MMAA: variants seen among roughly 807,000 people sequenced by gnomAD.
MMAA encodes the protein metabolism of cobalamin associated A.
A neutral mutation model predicts 45.0 loss-of-function variants in MMAA; 41 were observed. That is an observed-to-expected ratio of 0.91 (90% CI 0.71 to 1.18). The LOEUF (loss-of-function observed/expected upper bound fraction) is 1.18, where lower values mean the gene tolerates loss of function less well. Ranked by LOEUF, MMAA falls within the 50% of genes most tolerant of loss-of-function variation. The pLI, the probability that MMAA is intolerant of heterozygous loss-of-function variation, is 0.00. For synonymous variants in MMAA, 154 were observed against 178.2 expected, an observed-to-expected ratio of 0.86 and a Z score of 1.08; for missense variants, 460 against 495.7, an observed-to-expected ratio of 0.93 and a Z score of 0.68.
chr4:145,630,797 A>G (rs1369043316), intron 1 of MMAA, among the ~76,000 whole-genome samples: 2 of 152,114 alleles, frequency 1.3e-5, no homozygotes, highest in African/African-American at 4.8e-5. Context: ...ATAGCTATAA[A>G]CTTCCCTCTT....
chr4:145,640,885 ACAACTTGT>A (rs1200558601), intron 2 of MMAA, among the ~76,000 whole-genome samples: 1 of 152,022 alleles, frequency 6.6e-6, no homozygotes, highest in African/African-American at 2.4e-5. Flanking sequence ...CGTGCTAAAA[ACAACTTGT>A]CTTGGTGGTT....
chr4:145,624,719 T>C, intron 1 of MMAA: 1 of 1,569,666 alleles, frequency 6.4e-7, no homozygotes, highest in Non-Finnish European at 8.7e-7. Context: ...CCTTTCCTTC[T>C]TTGTTCAGAA....
intron 1 of MMAA, chr4:145,625,454 C>T: frequency 1.4e-6 from 1 of 711,706 alleles, no homozygotes. Context: ...AGCTGCAATA[C>T]TGGATGCTGA....
chr4:145,637,382 A>G (rs1727641826), intron 1 of MMAA, among the ~76,000 whole-genome samples: 1 of 152,218 alleles, frequency 6.6e-6, no homozygotes, highest in Admixed American at 6.5e-5. Context: ...AAACACTTTT[A>G]TACATTTTTA....
chr4:145,656,255 T>C lies in MMAA; in HGVS notation c.*821T>C, dbSNP rs1349263713. 1 of 152,164 alleles carries C rather than the reference T, an allele frequency of 6.6e-6. No homozygotes were observed. The highest frequency in any genetic ancestry group is 1.9e-4 in the East Asian group (1 of 5,202). The allele number at this position is 152,164 out of a possible 1,614,324, so 9.4% of individuals were successfully genotyped here. A position where few individuals can be genotyped will look rare whatever the true frequency, so the allele number is the denominator to read the frequency against. On this transcript the variant is annotated 3_prime_UTR_variant, in exon 7 of 7. Coordinates refer to ENST00000649156, the MANE Select transcript of MMAA (RefSeq NM_172250.3). ...ACTTCATTTTAGTATTTTAAAAATC[T>C]TTTTTCTTGATGGTGAACAAGTTTT...
chr4:145,642,407 T>G lies in MMAA; in HGVS notation c.484T>G (p.Tyr162Asp). 1 of 1,614,184 alleles carries G rather than the reference T, an allele frequency of 6.2e-7. No homozygotes were observed. Among genetic ancestry groups the G allele is most frequent in the Non-Finnish European group, 8.5e-7 (1 of 1,180,008 alleles). The change falls in exon 3 of 7, where the codon TAT becomes GAT. Residue 162 changes from tyrosine to aspartate, a missense_variant. Physicochemically the swap from Tyr to Asp is radical, Grantham distance 160. Transcript: ENST00000649156. The stretch of plus-strand genomic sequence containing the variant: ...TGCTGGAAAATCAACATTTATAGAA[T>G]ATTTTGGAAAAATGCTTACTGAGAG... ...PGAGKSTFIEYFGKMLTERGH... is the reference protein window; with the variant it reads ...PGAGKSTFIEDFGKMLTERGH...
chr4:145,632,324 A>G lies in MMAA; in HGVS notation c.-65-6751A>G, dbSNP rs1270489183. On this transcript the variant is annotated intron_variant, in intron 1 of 6. Transcript: ENST00000649156. The stretch of plus-strand genomic sequence containing the variant: ...TTCAGCACTTTAAGTAGGTTATGCC[A>G]TTCTCTCCTAGCCTATAAAGTTTCC... 2.6e-5 allele frequency among the ~76,000 whole-genome samples: 4 copies of G among 152,060 alleles called. No individual in the cohort carries two copies. In the East Asian group the frequency reaches 7.7e-4, roughly 29 times the overall value.
At chr4:145,648,569 T>A (rs935725661) in intron 4 of MMAA, among the ~76,000 whole-genome samples, 1 of 152,232 alleles carries the variant, frequency 6.6e-6, no homozygotes, top group African/African-American at 2.4e-5. Context: ...TGAGTAGTAG[T>A]AGGAGAATCA....
intron 4 of MMAA, chr4:145,646,381 T>A: frequency 2.0e-6 from 1 of 511,876 alleles, no homozygotes; most frequent in South Asian, 2.1e-5. Context: ...ATAACTGTTA[T>A]ACAGGTGGTA....
At position 145,655,492 on chromosome 4, in the gene MMAA, A is replaced by G; in HGVS notation, c.*58A>G. 6.9e-7 allele frequency: 1 copy of G among 1,445,652 alleles called. No homozygotes were observed. The highest frequency in any genetic ancestry group is 9.5e-7 in the Non-Finnish European group (1 of 1,053,372). The allele number at this position is 1,445,652 out of a possible 1,614,324, so 89.6% of individuals were successfully genotyped here. On this transcript the variant is annotated 3_prime_UTR_variant, in exon 7 of 7. Transcript: ENST00000649156. The stretch of plus-strand genomic sequence containing the variant: ...CATTTCATAAAGTATTTTAATAGAA[A>G]AATCACTTGTATGCTTATATTTTCA...
intron 3 of MMAA, among the ~76,000 whole-genome samples, chr4:145,645,164 G>A (rs1727892448): frequency 6.6e-6 from 1 of 152,162 alleles, no homozygotes; most frequent in African/African-American, 2.4e-5. Context: ...TTGAGAAAAT[G>A]TCATTTGCAA....
At position 145,658,517 on chromosome 4, in the gene MMAA, T is replaced by A. The variant is rs1728295708; in HGVS notation, c.*3083T>A. 1 of 152,172 alleles carries A rather than the reference T, an allele frequency of 6.6e-6. No homozygotes were observed. The highest frequency in any genetic ancestry group is 1.5e-5 in the Non-Finnish European group (1 of 68,026). The allele number at this position is 152,172 out of a possible 1,614,324, so 9.4% of individuals were successfully genotyped here. A position where few individuals can be genotyped will look rare whatever the true frequency, so the allele number is the denominator to read the frequency against. ...ATCTCATTAAAATGATGACAGTTATTTCAATAGTTGACAGTAGCTATCCCA... is the reference window on the plus strand; with the variant it reads ...ATCTCATTAAAATGATGACAGTTATATCAATAGTTGACAGTAGCTATCCCA... On this transcript the variant is annotated 3_prime_UTR_variant, in exon 7 of 7. Coordinates refer to ENST00000649156, the MANE Select transcript of MMAA (RefSeq NM_172250.3).
rs1728074663 is a variant in MMAA, at chr4:145,651,056, T to C, written c.734-6T>C. On this transcript the variant is annotated splice_polypyrimidine_tract_variant and splice_region_variant and intron_variant, in intron 4 of 6. Transcript: ENST00000649156. The stretch of plus-strand genomic sequence containing the variant: ...TTTAGGATATAGTTGTGATTTACAA[T>C]TTCAGGTGTGGGTCAGTCGGAGTTT... 4 of 1,613,690 alleles carry C rather than the reference T, an allele frequency of 2.5e-6. No homozygotes were observed. Among genetic ancestry groups the C allele is most frequent in the Non-Finnish European group, 3.4e-6 (4 of 1,179,672 alleles).
At chr4:145,646,365 A>C in intron 4 of MMAA, 1 of 565,118 alleles carries the variant, frequency 1.8e-6, no homozygotes, top group East Asian at 3.4e-5. Context: ...TAAGCCATCT[A>C]TCTGGATAAC....
At chr4:145,642,640 A>C in intron 3 of MMAA, 155 bp downstream of exon 3, 2 of 1,100,162 alleles carry the variant, frequency 1.8e-6, no homozygotes, top group South Asian at 2.5e-5. Flanking sequence ...AAGCTGAGAG[A>C]AGTAGTTTGG....
chr4:145,622,984 C>T (rs1248056515), intron 1 of MMAA, among the ~76,000 whole-genome samples: 10 of 152,148 alleles, frequency 6.6e-5, no homozygotes, highest in Admixed American at 6.5e-4. Flanking sequence ...GTTTCAAAGT[C>T]TGGAAAGCAG....
intron 1 of MMAA, among the ~76,000 whole-genome samples, chr4:145,626,544 A>G (rs1560790860): frequency 6.6e-6 from 1 of 152,222 alleles, no homozygotes; most frequent in Non-Finnish European, 1.5e-5. Context: ...GCCTAAGCAA[A>G]AAATAAATAA....
intron 1 of MMAA, among the ~76,000 whole-genome samples, chr4:145,623,433 T>C (rs1306172650): frequency 6.6e-6 from 1 of 152,196 alleles, no homozygotes; most frequent in African/African-American, 2.4e-5. Context: ...AGTCTTGAAA[T>C]AATACCGAGC....
chr4:145,632,096 G>A (rs1727458844), intron 1 of MMAA, among the ~76,000 whole-genome samples: 1 of 152,160 alleles, frequency 6.6e-6, no homozygotes, highest in African/African-American at 2.4e-5. Flanking sequence ...TCTATTACCA[G>A]TGAGTTTGTA....
Sources: gnomAD v4.1 joint callset for allele counts (sites outside exome capture counted in the v4.1 genomes callset) on GRCh38, gnomAD v4.1.1 for gene constraint, MANE v1.5 for transcripts, NCBI Gene and HGNC (gene_info 2026-07-23, HGNC 2026-07-21) for gene names.